The following PCDHA5 variants were observed in gnomAD, a reference collection of about 807,000 sequenced individuals.
PCDHA5 encodes protocadherin alpha-5.
Under a neutral mutation model 61.6 loss-of-function variants are expected in PCDHA5, and 43 were observed. That is an observed-to-expected ratio of 0.70 (90% confidence interval 0.55 to 0.90). The LOEUF (loss-of-function observed/expected upper bound fraction) is 0.90. Ranked by LOEUF, PCDHA5 falls within the 40% of genes least tolerant of loss-of-function variation. The probability of loss-of-function intolerance (pLI) is 0.00; values close to 1 mark genes in which losing one functional copy is unlikely to be tolerated. For missense variants in PCDHA5, 1,298 were observed against 1,222.7 expected (o/e 1.06, Z -0.92); for synonymous variants, 627 against 543.9 (o/e 1.15, Z -2.13).
At chr5:140,876,775 C>A (rs373638459) in intron 1 of PCDHA5, 3 of 1,614,130 alleles carry the variant, frequency 1.9e-6, no homozygotes, top group Non-Finnish European at 1.7e-6. Flanking sequence ...CTCGCCTTCG[C>A]TGTGGGCCAC....
At chr5:140,989,777 A>G (rs1406464822) in intron 3 of PCDHA5, among the ~76,000 whole-genome samples, 2 of 152,230 alleles carry the variant, frequency 1.3e-5, no homozygotes, top group African/African-American at 4.8e-5. Context: ...AGCACTGGCT[A>G]GAGACTAGAG....
rs868991744 is a variant in PCDHA5, at chr5:140,897,794, G to C, written c.2352+73667G>C. ...CTTCCACAATGGTTGAACTAGTTTA[G>C]AGTCCCACCAACAGTGTAAAAGTGT... On this transcript the variant is annotated intron_variant, in intron 1 of 3. Coordinates refer to ENST00000529859, the MANE Select transcript of PCDHA5 (RefSeq NM_018908.3). 7.2e-4 allele frequency among the ~76,000 whole-genome samples: 109 copies of C among 152,066 alleles called. No homozygotes were observed. The South Asian group carries it at 0.011, about 15-fold the overall frequency.
In PCDHA5 at chr5:140,870,824, G is replaced by A. The variant is rs1296646483; in HGVS notation, c.2352+46697G>A. On this transcript the variant is annotated intron_variant, in intron 1 of 3. Coordinates refer to ENST00000529859, the MANE Select transcript of PCDHA5 (RefSeq NM_018908.3). ...GCGACTCAGGCTGGCAGCGCGGGAG[G>A]CGCAGTTAACAAGCTAGTACCGCGG... 8.7e-6 allele frequency: 14 copies of A among 1,613,638 alleles called. No homozygotes were observed. The East Asian group carries it at 2.9e-4, about 33-fold the overall frequency.
chr5:140,882,698 G>A (rs562320262), intron 1 of PCDHA5: 18 of 1,614,200 alleles, frequency 1.1e-5, no homozygotes, highest in Middle Eastern at 1.6e-4. Context: ...AATCATTGCA[G>A]AATCTAGACC....
chr5:140,958,810 G>C (rs2095443726), intron 1 of PCDHA5, among the ~76,000 whole-genome samples: 1 of 151,988 alleles, frequency 6.6e-6, no homozygotes, highest in African/African-American at 2.4e-5. Flanking sequence ...ACACCATTCT[G>C]TTTTAATTTT....
rs531996502 is a variant in PCDHA5, at chr5:140,944,251, G to A, written c.2353-34698G>A. Among the ~76,000 whole-genome samples the A allele has an allele frequency of 2.2e-4, 33 of 152,302 alleles. No individual in the cohort carries two copies. In the South Asian group the frequency reaches 6.8e-3, roughly 32 times the overall value. On this transcript the variant is annotated intron_variant, in intron 1 of 3. Transcript: ENST00000529859. ...CGCTCAGGCTGGAGTGCAGTGATGT[G>A]ATCACTGCTCACTGCAGCCTTGACA...
At chr5:140,971,466 G>A (rs928383559) in intron 1 of PCDHA5, among the ~76,000 whole-genome samples, 2 of 152,144 alleles carry the variant, frequency 1.3e-5, no homozygotes, top group Non-Finnish European at 2.9e-5. Flanking sequence ...GCAGTTATAG[G>A]GAGAGAGTGT....
At chr5:141,002,934 C>A (rs1318656602) in intron 3 of PCDHA5, among the ~76,000 whole-genome samples, 2 of 152,172 alleles carry the variant, frequency 1.3e-5, no homozygotes, top group Non-Finnish European at 2.9e-5. Flanking sequence ...CCTCCAACAC[C>A]CTCCAGCACA....
At chr5:140,889,645 A>AG (rs1314365000) in intron 1 of PCDHA5, among the ~76,000 whole-genome samples, 1 of 152,040 alleles carries the variant, frequency 6.6e-6, no homozygotes, top group African/African-American at 2.4e-5. Context: ...TTGTGTTTGC[A>AG]GGAGATGTCC....
intron 1 of PCDHA5, among the ~76,000 whole-genome samples, chr5:140,922,818 C>T (rs530870255): frequency 6.6e-6 from 1 of 152,208 alleles, no homozygotes; most frequent in Admixed American, 6.5e-5. Flanking sequence ...GGAGATACAG[C>T]ATACTGCTAA....
chr5:140,906,180 C>T (rs1457176453), intron 1 of PCDHA5, among the ~76,000 whole-genome samples: 1 of 152,132 alleles, frequency 6.6e-6, no homozygotes, highest in Non-Finnish European at 1.5e-5. Flanking sequence ...ACTTTGCATC[C>T]TTCAATCCAA....
chr5:140,973,974 T>C (rs2096609755), intron 1 of PCDHA5, among the ~76,000 whole-genome samples: 1 of 152,224 alleles, frequency 6.6e-6, no homozygotes. Context: ...TAAATGTGGC[T>C]TTTACAGAAC....
intron 1 of PCDHA5, chr5:140,828,505 A>C (rs2150156185): frequency 6.2e-7 from 1 of 1,614,210 alleles, no homozygotes; most frequent in South Asian, 1.1e-5. Context: ...TAGAGGAACA[A>C]AGAGTGCTGA....
chr5:140,914,510 A>G (rs900880100), intron 1 of PCDHA5, among the ~76,000 whole-genome samples: 1 of 152,100 alleles, frequency 6.6e-6, no homozygotes, highest in Non-Finnish European at 1.5e-5. Context: ...TCATTGGGTC[A>G]TGTTTTTTCA....
At chr5:140,945,768 T>C (rs1212479192) in intron 1 of PCDHA5, among the ~76,000 whole-genome samples, 3 of 152,062 alleles carry the variant, frequency 2.0e-5, no homozygotes, top group African/African-American at 7.2e-5. Flanking sequence ...GTGGGACAAT[T>C]TGATATCCAG....
At chr5:140,897,451 TC>T (rs2066120094) in intron 1 of PCDHA5, among the ~76,000 whole-genome samples, 1 of 151,584 alleles carries the variant, frequency 6.6e-6, no homozygotes, top group Non-Finnish European at 1.5e-5. Context: ...TGGTTTTTTG[TC>T]CTTGCGATAG....
At chr5:140,876,398 A>G (rs782094508) in intron 1 of PCDHA5, 1 of 1,613,962 alleles carries the variant, frequency 6.2e-7, no homozygotes, top group Non-Finnish European at 8.5e-7. Context: ...GGTGAACTGG[A>G]TTTTGAAGAG....
At chr5:140,907,099 C>T (rs2073164781) in intron 1 of PCDHA5, among the ~76,000 whole-genome samples, 1 of 152,108 alleles carries the variant, frequency 6.6e-6, no homozygotes, top group Admixed American at 6.5e-5. Flanking sequence ...GGTGCCACTT[C>T]CACTTCCACC....
intron 1 of PCDHA5, chr5:140,836,490 G>T: frequency 6.2e-7 from 1 of 1,613,864 alleles, no homozygotes; most frequent in Non-Finnish European, 8.5e-7. Flanking sequence ...CCTGATCATC[G>T]CCATCTGCGC....
Sources: gnomAD v4.1 joint callset for allele counts (sites outside exome capture counted in the v4.1 genomes callset) on GRCh38, gnomAD v4.1.1 for gene constraint, MANE v1.5 for transcripts, NCBI Gene and HGNC (gene_info 2026-07-23, HGNC 2026-07-21) for gene names.